Variants in NPAS3 observed in about 807,000 individuals in gnomAD.
NPAS3 encodes neuronal PAS domain-containing protein 3.
A neutral mutation model predicts 73.1 loss-of-function variants in NPAS3; 14 were observed. The ratio of observed to expected loss-of-function variants is 0.19; its 90% CI spans 0.13 to 0.30. The LOEUF (loss-of-function observed/expected upper bound fraction) is 0.30, where lower values mean the gene tolerates loss of function less well. Among genes scored for constraint, NPAS3 ranks in the 10% least tolerant of loss-of-function variants. The pLI, the probability that NPAS3 is intolerant of heterozygous loss-of-function variation, is 1.00. For synonymous variants in NPAS3, 620 were observed against 541.5 expected (o/e 1.14, Z -2.01); for missense variants, 1,096 against 1,250.0 (o/e 0.88, Z 1.86).
At chr14:33,360,127 T>C (rs971496312) in intron 3 of NPAS3, among the ~76,000 whole-genome samples, 6 of 152,218 alleles carry the variant, frequency 3.9e-5, no homozygotes, top group Non-Finnish European at 8.8e-5. Context: ...CAGCTTCGCA[T>C]CCCGAGTTCC....
chr14:33,069,242 A>G (rs752367696), intron 2 of NPAS3, among the ~76,000 whole-genome samples: 1 of 152,250 alleles, frequency 6.6e-6, no homozygotes, highest in Non-Finnish European at 1.5e-5. Context: ...GTGGCACTCA[A>G]TCACATGTAT....
chr14:33,790,888 C>T (rs922466960), intron 9 of NPAS3, among the ~76,000 whole-genome samples: 40 of 152,154 alleles, frequency 2.6e-4, no homozygotes, highest in African/African-American at 5.8e-4. Context: ...AGGCTAGTCT[C>T]GAACTCCTGG....
chr14:33,726,546 T>C (rs2061270914), intron 6 of NPAS3, among the ~76,000 whole-genome samples: 1 of 152,168 alleles, frequency 6.6e-6, no homozygotes, highest in African/African-American at 2.4e-5. Flanking sequence ...CGCCACCATG[T>C]CAGAGAGGCC....
chr14:33,470,058 C>G (rs11849846), intron 4 of NPAS3, among the ~76,000 whole-genome samples: 17,938 of 152,138 alleles, frequency 0.12, 1,677 homozygotes, highest in African/African-American at 0.26. Context: ...AGGACTTTGA[C>G]TGGAACACCT....
At chr14:33,127,090 T>TG (rs1351233831) in intron 2 of NPAS3, among the ~76,000 whole-genome samples, 1 of 136,094 alleles carries the variant, frequency 7.3e-6, no homozygotes, top group Admixed American at 7.5e-5. Flanking sequence ...TCCCTGCTTT[T>TG]GAAAAAAAAA....
intron 3 of NPAS3, among the ~76,000 whole-genome samples, chr14:33,297,218 C>G (rs1008928660): frequency 1.6e-5 from 2 of 128,054 alleles, no homozygotes; most frequent in Non-Finnish European, 3.4e-5. Context: ...AGCAAATTAC[C>G]TCTCTTTGCC....
intron 3 of NPAS3, among the ~76,000 whole-genome samples, chr14:33,245,023 G>A (rs886288792): frequency 6.6e-6 from 1 of 152,116 alleles, no homozygotes; most frequent in African/African-American, 2.4e-5. Flanking sequence ...TCTAGGCCTT[G>A]GTTCCTCACC....
rs73270595 is a variant in NPAS3, at chr14:33,165,151, G to C, written c.141-50031G>C. Among the ~76,000 whole-genome samples, 1,345 of 152,166 alleles carry C rather than the reference G, an allele frequency of 8.8e-3. 24 individuals are homozygous for C. Among genetic ancestry groups the C allele is most frequent in the African/African-American group, 0.031 (1,295 of 41,510 alleles). On this transcript the variant is annotated intron_variant, in intron 2 of 11. Coordinates refer to ENST00000356141, the Ensembl canonical transcript of NPAS3. ...CAAATACTTATTGTACTAGGTGCCA[G>C]GCATTGGACTCGGCCTGTCGGAAAG...
chr14:33,016,175 G>T (rs576426072), intron 1 of NPAS3, among the ~76,000 whole-genome samples: 1 of 152,214 alleles, frequency 6.6e-6, no homozygotes, highest in East Asian at 1.9e-4. Context: ...AATTAAGGGA[G>T]AATTTGTTGG....
chr14:33,279,985 G>A (rs2041522383), intron 3 of NPAS3, among the ~76,000 whole-genome samples: 1 of 152,156 alleles, frequency 6.6e-6, no homozygotes, highest in African/African-American at 2.4e-5. Context: ...ATGCTTTATT[G>A]AAATGAATGA....
chr14:33,767,447 C>T (rs369251909), intron 7 of NPAS3, among the ~76,000 whole-genome samples: 10 of 151,990 alleles, frequency 6.6e-5, no homozygotes, highest in South Asian at 4.2e-4. Flanking sequence ...AGTGATTTGA[C>T]GATCTGTATG....
At chr14:33,428,461 TA>T (rs2048645328) in intron 4 of NPAS3, among the ~76,000 whole-genome samples, 1 of 152,160 alleles carries the variant, frequency 6.6e-6, no homozygotes, top group Non-Finnish European at 1.5e-5. Flanking sequence ...AATCCATACC[TA>T]TGTTTGCTGG....
chr14:33,701,514 C>A (rs1375069224), intron 6 of NPAS3, among the ~76,000 whole-genome samples: 1 of 152,222 alleles, frequency 6.6e-6, no homozygotes, highest in African/African-American at 2.4e-5. Flanking sequence ...GTGGGAATTA[C>A]TGTTTCAGTA....
chr14:33,623,555 C>T lies in NPAS3; in HGVS notation c.559-52656C>T, dbSNP rs1449360022. Reference sequence around the variant, plus strand: ...GCCACCTAATGGGTGCCTCTGCTTTCTCTCTTGCCTCCCGACCCAACAACC... The same window carrying T: ...GCCACCTAATGGGTGCCTCTGCTTTTTCTCTTGCCTCCCGACCCAACAACC... On this transcript the variant is annotated intron_variant, in intron 5 of 11. Transcript: ENST00000356141. 3.3e-5 allele frequency among the ~76,000 whole-genome samples: 5 copies of T among 152,216 alleles called. No individual in the cohort carries two copies. In the East Asian group the frequency reaches 9.6e-4, roughly 29 times the overall value.
chr14:33,308,605 C>G (rs1270438397), intron 3 of NPAS3, among the ~76,000 whole-genome samples: 5 of 149,212 alleles, frequency 3.4e-5, no homozygotes, highest in Admixed American at 1.3e-4. Flanking sequence ...TATCTACACA[C>G]TTGTGCACAC....
At position 33,180,687 on chromosome 14, in the gene NPAS3, T is replaced by C. The variant is rs577922513; in HGVS notation, c.141-34495T>C. On this transcript the variant is annotated intron_variant, in intron 2 of 11. Coordinates refer to ENST00000356141, the Ensembl canonical transcript of NPAS3. ...GGTGGTGGGCGCCTGTAATCCCAGC[T>C]ACTCAGGAGGCTGAGGCAGGAGAAT... Among the ~76,000 whole-genome samples the C allele has an allele frequency of 3.7e-4, 55 of 149,830 alleles. No homozygotes were observed. In the Admixed American group the frequency reaches 3.7e-3, roughly 10 times the overall value.
intron 4 of NPAS3, among the ~76,000 whole-genome samples, chr14:33,386,765 G>A (rs561393591): frequency 3.3e-5 from 5 of 152,136 alleles, no homozygotes; most frequent in African/African-American, 7.2e-5. Flanking sequence ...ACATTGTTAC[G>A]GAAGTTCACA....
At chr14:33,659,715 T>C (rs1595379632) in intron 5 of NPAS3, among the ~76,000 whole-genome samples, 2 of 152,198 alleles carry the variant, frequency 1.3e-5, no homozygotes, top group South Asian at 2.1e-4. Context: ...TTTAATAATC[T>C]CTATTTCATC....
Position 33,800,656 on chromosome 14 carries a change from C to T in NPAS3, c.2349C>T (p.Ser783=), listed in dbSNP as rs1291161018. ...GCGGCGGCCCCAGCGCGTCCAACTC[C>T]TTGCTGTACACTGGGGACCTGGAGG... Residue 783 remains serine, a synonymous_variant, in exon 12 of 12, where the codon TCC becomes TCT. Coordinates refer to ENST00000356141, the Ensembl canonical transcript of NPAS3. This position sits in a 1 kb window ranked among gnomAD's most constrained non-coding sequence, Gnocchi z 6.5. 2.0e-6 allele frequency: 3 copies of T among 1,529,192 alleles called. No homozygotes were observed. Among genetic ancestry groups the T allele is most frequent in the Non-Finnish European group, 2.6e-6 (3 of 1,142,256 alleles). The allele number at this position is 1,529,192 out of a possible 1,614,324, so 94.7% of individuals were successfully genotyped here.
Sources: gnomAD v4.1 joint callset for allele counts (sites outside exome capture counted in the v4.1 genomes callset) on GRCh38, gnomAD v4.1.1 for gene constraint, Gnocchi (gnomAD v3.1) non-coding constraint, MANE v1.5 for transcripts, NCBI Gene and HGNC (gene_info 2026-07-23, HGNC 2026-07-21) for gene names.